Variants in TMEM266 observed in about 807,000 individuals in gnomAD.
The protein encoded by TMEM266 is transmembrane protein 266.
In TMEM266, 33 loss-of-function variants were observed where a neutral mutation model predicts 50.5. The ratio of observed to expected loss-of-function variants is 0.65; its 90% CI spans 0.50 to 0.87. The LOEUF is 0.87. Among genes scored for constraint, TMEM266 ranks in the 40% least tolerant of loss-of-function variants. The probability of loss-of-function intolerance (pLI) is 0.00; values close to 1 mark genes in which losing one functional copy is unlikely to be tolerated. For missense variants in TMEM266, 655 were observed against 695.1 expected (o/e 0.94, Z 0.65); for synonymous variants, 310 against 292.3 (o/e 1.06, Z -0.62).
In TMEM266 at chr15:76,175,649, T is replaced by C; in HGVS notation, c.743T>C (p.Leu248Pro). The C allele has an allele frequency of 6.2e-7, 1 of 1,614,158 alleles. No homozygotes were observed. The highest frequency in any genetic ancestry group is 8.5e-7 in the Non-Finnish European group (1 of 1,179,978). ...ATCCAAGACGAGCAGCTGGAGAGGC[T>C]GACGCAGATCTGTCAGGAGCAAGGG... The change falls in exon 8 of 11, where the codon CTG (leucine) becomes CCG (proline). Residue 248 changes from leucine (L) to proline (P), a missense_variant. Physicochemically the swap from Leu to Pro is moderately conservative, Grantham distance 98. Transcript: ENST00000388942.
chr15:76,119,079 C>A (rs2037296549), intron 1 of TMEM266, among the ~76,000 whole-genome samples: 1 of 152,146 alleles, frequency 6.6e-6, no homozygotes, highest in Non-Finnish European at 1.5e-5. Flanking sequence ...AAGCACTACA[C>A]CAGAGGGGCA....
At chr15:76,081,432 A>C (rs2036692606) in intron 1 of TMEM266, among the ~76,000 whole-genome samples, 1 of 152,194 alleles carries the variant, frequency 6.6e-6, no homozygotes, top group African/African-American at 2.4e-5. Flanking sequence ...CCCATCCTTA[A>C]GGCAAAAACT....
rs567223804 is a variant in TMEM266, at chr15:76,151,835, G to A, written c.228-4769G>A. On this transcript the variant is annotated intron_variant, in intron 3 of 10. Transcript: ENST00000388942. ...CTGAGACGCCGCATTCCTAACAAGC[G>A]CCAGGTGATGCTGCTGCTGCTGCTC... Among the ~76,000 whole-genome samples, 6 of 152,268 alleles carry A rather than the reference G, an allele frequency of 3.9e-5. No homozygotes were observed. The South Asian group carries it at 6.2e-4, about 16-fold the overall frequency.
At chr15:76,198,625 C>T (rs2038692073) in intron 9 of TMEM266, among the ~76,000 whole-genome samples, 1 of 152,258 alleles carries the variant, frequency 6.6e-6, no homozygotes, top group African/African-American at 2.4e-5. Context: ...TCTGATCCAA[C>T]CATAGTCTTC....
intron 8 of TMEM266, among the ~76,000 whole-genome samples, chr15:76,182,097 A>T (rs769561286): frequency 7.9e-5 from 12 of 152,170 alleles, no homozygotes; most frequent in Non-Finnish European, 1.3e-4. Flanking sequence ...CCCTTAGGAC[A>T]TCCTTAGACC....
chr15:76,189,260 G>A (rs1200703391), intron 8 of TMEM266, among the ~76,000 whole-genome samples: 1 of 150,144 alleles, frequency 6.7e-6, no homozygotes, highest in Non-Finnish European at 1.5e-5. Flanking sequence ...AGGGAAGTAA[G>A]GAAGGGAGGA....
chr15:76,118,018 T>C (rs919926369), intron 1 of TMEM266, among the ~76,000 whole-genome samples: 4 of 152,206 alleles, frequency 2.6e-5, no homozygotes, highest in Non-Finnish European at 4.4e-5. Flanking sequence ...GCAGATACCA[T>C]TGGCCTCAAG....
intron 3 of TMEM266, among the ~76,000 whole-genome samples, chr15:76,148,908 GA>G (rs994934186): frequency 9.8e-5 from 15 of 152,332 alleles, no homozygotes; most frequent in Non-Finnish European, 1.8e-4. Flanking sequence ...TCTGATTGCA[GA>G]ACTGAAGCTG....
intron 3 of TMEM266, among the ~76,000 whole-genome samples, chr15:76,146,793 T>C (rs935773934): frequency 1.1e-4 from 17 of 152,178 alleles, no homozygotes; most frequent in African/African-American, 4.1e-4. Flanking sequence ...GAAAGTCTTC[T>C]CTCCTCTAAC....
At chr15:76,183,264 T>A (rs1002816035) in intron 8 of TMEM266, among the ~76,000 whole-genome samples, 1 of 151,710 alleles carries the variant, frequency 6.6e-6, no homozygotes, top group Non-Finnish European at 1.5e-5. Flanking sequence ...TACAGGCATG[T>A]GTCACCACCC....
chr15:76,112,030 A>G (rs1487738290), intron 1 of TMEM266: 3 of 152,254 alleles, frequency 2.0e-5, no homozygotes, highest in Non-Finnish European at 2.9e-5. Flanking sequence ...AAAGAAGCCA[A>G]TCTTAGAAGG....
At chr15:76,202,374 C>A in intron 10 of TMEM266, 110 bp downstream of exon 10, 2 of 952,516 alleles carry the variant, frequency 2.1e-6, no homozygotes, top group Non-Finnish European at 3.2e-6. Flanking sequence ...TGCCTGTGAA[C>A]CATAACTGCA....
intron 8 of TMEM266, among the ~76,000 whole-genome samples, chr15:76,183,342 C>T (rs1338491102): frequency 6.6e-6 from 1 of 152,046 alleles, no homozygotes; most frequent in Non-Finnish European, 1.5e-5. Context: ...TCTCGAACTC[C>T]TGACCTCAAG....
intron 3 of TMEM266, among the ~76,000 whole-genome samples, chr15:76,151,498 CT>C (rs2037842518): frequency 1.3e-5 from 2 of 152,120 alleles, no homozygotes; most frequent in African/African-American, 4.8e-5. Context: ...GGTCTGTGGT[CT>C]TGCAGTCTAG....
intron 1 of TMEM266, among the ~76,000 whole-genome samples, chr15:76,103,062 A>G (rs763555766): frequency 3.9e-5 from 6 of 152,106 alleles, no homozygotes; most frequent in Non-Finnish European, 5.9e-5. Flanking sequence ...AGGGGGAAGC[A>G]GGGAGACAGG....
At chr15:76,105,357 T>G (rs952823632) in intron 1 of TMEM266, among the ~76,000 whole-genome samples, 6 of 152,224 alleles carry the variant, frequency 3.9e-5, no homozygotes, top group African/African-American at 1.4e-4. Flanking sequence ...GAGGCTTCCC[T>G]GGAACCTCTT....
At chr15:76,143,660 T>C (rs547105438) in intron 3 of TMEM266, among the ~76,000 whole-genome samples, 29 of 152,308 alleles carry the variant, frequency 1.9e-4, no homozygotes, top group African/African-American at 6.5e-4. Flanking sequence ...CCAGCCCTTC[T>C]CCTGATTTTC....
At chr15:76,118,314 C>A (rs1174555496) in intron 1 of TMEM266, among the ~76,000 whole-genome samples, 1 of 152,218 alleles carries the variant, frequency 6.6e-6, no homozygotes, top group African/African-American at 2.4e-5. Flanking sequence ...GGAATCCCAG[C>A]ACTTTGGGAA....
At chr15:76,104,947 C>T (rs920147901) in intron 1 of TMEM266, among the ~76,000 whole-genome samples, 3 of 151,956 alleles carry the variant, frequency 2.0e-5, no homozygotes, top group East Asian at 3.9e-4. Flanking sequence ...CGGCCAGGCA[C>T]GGTGGCTCAC....
Sources: gnomAD v4.1 joint callset for allele counts (sites outside exome capture counted in the v4.1 genomes callset) on GRCh38, gnomAD v4.1.1 for gene constraint, MANE v1.5 for transcripts, NCBI Gene and HGNC (gene_info 2026-07-23, HGNC 2026-07-21) for gene names.